The following PCBP3 variants were observed in gnomAD, a reference collection of about 807,000 sequenced individuals.
PCBP3 encodes poly(rC) binding protein 3, also known as poly(rC)-binding protein 3.
PCBP3 carries 25 observed loss-of-function variants against 52.7 expected under a neutral mutation model. That is an observed-to-expected ratio of 0.47 (90% CI 0.35 to 0.66). The LOEUF (loss-of-function observed/expected upper bound fraction) is 0.66. Among genes scored for constraint, PCBP3 ranks in the 30% least tolerant of loss-of-function variants. The pLI is 0.01. For missense variants in PCBP3, 391 were observed against 490.3 expected, an observed-to-expected ratio of 0.80 and a Z score of 1.91; for synonymous variants, 162 against 183.0, an observed-to-expected ratio of 0.89 and a Z score of 0.93.
chr21:45,758,129 T>C (rs1951653515), intron 4 of PCBP3, among the ~76,000 whole-genome samples: 1 of 152,208 alleles, frequency 6.6e-6, no homozygotes, highest in South Asian at 2.1e-4. Flanking sequence ...GCTCAGGCAA[T>C]CTGCCCGCCT....
At chr21:45,750,322 C>T (rs938900249) in intron 3 of PCBP3, 1 of 151,922 alleles carries the variant, frequency 6.6e-6, no homozygotes, top group Non-Finnish European at 1.5e-5. Flanking sequence ...CTGCCTTGAC[C>T]CGTCTTTACT....
chr21:45,757,950 G>A (rs1459211194), intron 4 of PCBP3, among the ~76,000 whole-genome samples: 9 of 151,344 alleles, frequency 5.9e-5, no homozygotes, highest in Non-Finnish European at 1.3e-4. Context: ...ACAGTGGTGC[G>A]ATCTCGGCTC....
intron 2 of PCBP3, among the ~76,000 whole-genome samples, chr21:45,734,793 A>G (rs976603918): frequency 1.3e-5 from 2 of 152,130 alleles, no homozygotes; most frequent in Non-Finnish European, 2.9e-5. Flanking sequence ...GTGAGGTGGG[A>G]GAGTCATCCC....
Position 45,802,267 on chromosome 21 carries a change from TG to T in PCBP3, c.-126+46820del, listed in dbSNP as rs2092334941. 2.0e-5 allele frequency among the ~76,000 whole-genome samples: 3 copies of T among 152,136 alleles called. No individual in the cohort carries two copies. The South Asian group carries it at 6.2e-4, about 32-fold the overall frequency. On this transcript the variant is annotated intron_variant, in intron 4 of 17. Transcript: ENST00000681687. The surrounding 1 kb of genome is among the most constrained non-coding windows in gnomAD (Gnocchi z 5.1). Reference sequence around the variant, plus strand: ...GAGGCTCACAGCTGGGTGCTGGGGCTGGGGGTGAGCTAGCTGTCCGGCCCCT... The same window carrying T: ...GAGGCTCACAGCTGGGTGCTGGGGCTGGGGTGAGCTAGCTGTCCGGCCCCT...
chr21:45,894,837 CT>C (rs2095783889), intron 5 of PCBP3, among the ~76,000 whole-genome samples: 1 of 152,204 alleles, frequency 6.6e-6, no homozygotes, highest in Non-Finnish European at 1.5e-5. Context: ...ACGTGAAGTC[CT>C]CCTTAAATGC....
At position 45,777,721 on chromosome 21, in the gene PCBP3, G is replaced by T. The variant is rs772295852; in HGVS notation, c.-126+22269G>T. ...TTGTTGAAGCTTTCAAATGTATTTT[G>T]TATCTCCTTCAATGAATCTTCAGTT... On this transcript the variant is annotated intron_variant, in intron 4 of 17. Coordinates refer to ENST00000681687, the MANE Select transcript of PCBP3 (RefSeq NM_001384156.1). Among the ~76,000 whole-genome samples the T allele has an allele frequency of 2.0e-3, 303 of 150,456 alleles. 3 individuals carry two copies. The highest frequency in any genetic ancestry group is 5.8e-4 in the Non-Finnish European group (39 of 67,642).
intron 9 of PCBP3, among the ~76,000 whole-genome samples, chr21:45,906,647 C>T (rs1421356062): frequency 6.6e-6 from 1 of 152,176 alleles, no homozygotes; most frequent in East Asian, 1.9e-4. Context: ...CCGGAGTCTA[C>T]ACCCACCTCA....
At position 45,804,165 on chromosome 21, in the gene PCBP3, TGCTGTTTC is replaced by T. The variant is rs140850425; in HGVS notation, c.-125-45792_-125-45785del. Among the ~76,000 whole-genome samples, 531 of 152,290 alleles carry T rather than the reference TGCTGTTTC, an allele frequency of 3.5e-3. 2 individuals are homozygous for T. The highest frequency in any genetic ancestry group is 0.011 in the African/African-American group (475 of 41,554). On this transcript the variant is annotated intron_variant, in intron 4 of 17. Coordinates refer to ENST00000681687, the MANE Select transcript of PCBP3 (RefSeq NM_001384156.1). ...GTGGCTGTAGTGTTTTTTACCCCAT[TGCTGTTTC>T]GCTTGGCACCTACACGTTGGTTCCC...
chr21:45,672,836 A>G (rs1189807558), intron 2 of PCBP3, among the ~76,000 whole-genome samples: 7 of 152,156 alleles, frequency 4.6e-5, no homozygotes, highest in African/African-American at 1.4e-4. Flanking sequence ...TGTGAGGCCC[A>G]TATTTCTGGA....
chr21:45,738,817 G>T (rs1476741383), intron 3 of PCBP3, among the ~76,000 whole-genome samples: 4 of 138,756 alleles, frequency 2.9e-5, no homozygotes, highest in African/African-American at 1.1e-4. Context: ...CCTCTGGGTG[G>T]CTCCCCCATC....
chr21:45,875,601 A>G (rs1426681341), intron 5 of PCBP3, among the ~76,000 whole-genome samples: 1 of 152,174 alleles, frequency 6.6e-6, no homozygotes, highest in African/African-American at 2.4e-5. Context: ...AGCTTCCCCC[A>G]GGGGTCTTGG....
intron 2 of PCBP3, among the ~76,000 whole-genome samples, chr21:45,719,532 A>C (rs2084471082): frequency 6.6e-6 from 1 of 152,122 alleles, no homozygotes; most frequent in South Asian, 2.1e-4. Flanking sequence ...GACCAGGTGG[A>C]GGTAACTGGA....
intron 4 of PCBP3, among the ~76,000 whole-genome samples, chr21:45,783,615 T>G (rs1444228444): frequency 6.6e-6 from 1 of 152,094 alleles, no homozygotes; most frequent in Non-Finnish European, 1.5e-5. Flanking sequence ...AGGACGGGAT[T>G]TTAACGTTGC....
chr21:45,839,272 T>C (rs73380639), intron 4 of PCBP3, among the ~76,000 whole-genome samples: 4,393 of 152,330 alleles, frequency 0.029, 225 homozygotes, highest in African/African-American at 0.099. Flanking sequence ...TTTTTGTTTG[T>C]TCTCCCACCT....
chr21:45,811,320 C>T (rs973052275), intron 4 of PCBP3, among the ~76,000 whole-genome samples: 8 of 152,246 alleles, frequency 5.3e-5, no homozygotes, highest in African/African-American at 9.6e-5. Context: ...TGGAGGCTCA[C>T]GGGGAGGACT....
chr21:45,680,827 G>A (rs538905928), intron 2 of PCBP3, among the ~76,000 whole-genome samples: 1 of 152,008 alleles, frequency 6.6e-6, no homozygotes, highest in Non-Finnish European at 1.5e-5. Context: ...TTGTGTAGAT[G>A]ATATTTATCA....
chr21:45,687,204 A>G (rs143902240), intron 2 of PCBP3, among the ~76,000 whole-genome samples: 1 of 152,354 alleles, frequency 6.6e-6, no homozygotes, highest in African/African-American at 2.4e-5. Context: ...AAGTGCTAAA[A>G]GAAAGACTGT....
intron 2 of PCBP3, among the ~76,000 whole-genome samples, chr21:45,705,422 CG>C (rs2083387800): frequency 2.0e-5 from 3 of 152,212 alleles, no homozygotes; most frequent in Non-Finnish European, 4.4e-5. Flanking sequence ...AGCCCCTCCT[CG>C]GCTGAAGATG....
intron 2 of PCBP3, among the ~76,000 whole-genome samples, chr21:45,733,444 G>A (rs1020333723): frequency 1.3e-4 from 19 of 151,972 alleles, no homozygotes; most frequent in Admixed American, 2.0e-4. Flanking sequence ...CCGCCATCAT[G>A]CCTGGCTAAT....
Sources: allele counts gnomAD v4.1 joint callset (sites outside exome capture counted in the v4.1 genomes callset), GRCh38; gene constraint gnomAD v4.1.1; non-coding constraint Gnocchi (gnomAD v3.1); transcripts MANE v1.5; gene names NCBI Gene and HGNC (gene_info 2026-07-23, HGNC 2026-07-21).